The following NKAIN3 variants were observed in gnomAD, a reference collection of about 807,000 sequenced individuals.
NKAIN3 encodes sodium/potassium-transporting ATPase subunit beta-1-interacting protein 3.
Under a neutral mutation model 30.2 loss-of-function variants are expected in NKAIN3, and 25 were observed. The observed-to-expected ratio is 0.83, with a 90% confidence interval of 0.60 to 1.16. NKAIN3 has a LOEUF of 1.16. Among genes scored for constraint, NKAIN3 ranks in the 50% most tolerant of loss-of-function variants. NKAIN3 has a pLI of 0.00. For synonymous variants in NKAIN3, 91 were observed against 89.6 expected (o/e 1.02, Z -0.09); for missense variants, 225 against 254.1 (o/e 0.89, Z 0.78).
chr8:62,681,163 G>A (rs536674905), intron 3 of NKAIN3, among the ~76,000 whole-genome samples: 1 of 152,248 alleles, frequency 6.6e-6, no homozygotes, highest in East Asian at 1.9e-4. Flanking sequence ...TCAATAATCT[G>A]TACTTGCTCT....
chr8:62,656,831 G>T (rs1257164407), intron 3 of NKAIN3, among the ~76,000 whole-genome samples: 1 of 152,032 alleles, frequency 6.6e-6, no homozygotes, highest in Non-Finnish European at 1.5e-5. Flanking sequence ...GTGTCCTGAG[G>T]TTACCTCTAG....
intron 5 of NKAIN3, among the ~76,000 whole-genome samples, chr8:62,935,284 C>T (rs953218209): frequency 6.6e-6 from 1 of 152,022 alleles, no homozygotes; most frequent in African/African-American, 2.4e-5. Flanking sequence ...TTAGACAGAG[C>T]CTTTGAAATT....
At chr8:62,542,851 G>A (rs10089364) in intron 1 of NKAIN3, among the ~76,000 whole-genome samples, 1 of 152,100 alleles carries the variant, frequency 6.6e-6, no homozygotes, top group Non-Finnish European at 1.5e-5. Context: ...TTTCCCACAT[G>A]CATATATATC....
chr8:62,427,010 C>T (rs571828336), intron 1 of NKAIN3, among the ~76,000 whole-genome samples: 1 of 152,074 alleles, frequency 6.6e-6, no homozygotes, highest in African/African-American at 2.4e-5. Context: ...TAAGGTGATA[C>T]CCATAGAGCA....
chr8:62,845,285 T>TTATATCTATATA (rs1819646995), intron 4 of NKAIN3, among the ~76,000 whole-genome samples: 1 of 68,928 alleles, frequency 1.5e-5, no homozygotes, highest in Non-Finnish European at 3.0e-5. Context: ...GGATAGTAGA[T>TTATATCTATATA]TATATATATA....
intron 1 of NKAIN3, among the ~76,000 whole-genome samples, chr8:62,490,805 C>T (rs1047819186): frequency 7.3e-5 from 11 of 150,576 alleles, no homozygotes; most frequent in South Asian, 2.1e-4. Flanking sequence ...ATAAAACAGA[C>T]GTAGAATCAT....
chr8:62,816,818 A>G (rs1175872876), intron 4 of NKAIN3, among the ~76,000 whole-genome samples: 2 of 152,078 alleles, frequency 1.3e-5, no homozygotes, highest in Non-Finnish European at 2.9e-5. Flanking sequence ...TCAAAATGGC[A>G]CCATGCTGTA....
rs141345262 is a variant in NKAIN3, at chr8:62,285,877, A to C, written c.54+36750A>C. ...ACTTGAATATTGGTGGAAAAAAGGA[A>C]ATGCTGAATTGGATGCAGCTATTCT... On this transcript the variant is annotated intron_variant, in intron 1 of 6. Transcript: ENST00000623646. Among the ~76,000 whole-genome samples the C allele has an allele frequency of 6.6e-3, 1,009 of 152,276 alleles. 7 individuals carry two copies. The highest frequency in any genetic ancestry group is 0.023 in the African/African-American group (956 of 41,570).
rs189456251 is a variant in NKAIN3 at position 62,535,276 on chromosome 8, A to C, written c.55-44263A>C. ...TCTCTGTGTTTTCTATTCTCACACT[A>C]AAGCAATCATCAATACAGAAGAAGA... On this transcript the variant is annotated intron_variant, in intron 1 of 6. Coordinates refer to ENST00000623646, the MANE Select transcript of NKAIN3 (RefSeq NM_001304533.3). Among the ~76,000 whole-genome samples, 13 of 152,234 alleles carry C rather than the reference A, an allele frequency of 8.5e-5. No homozygotes were observed. In the East Asian group the frequency reaches 2.5e-3, roughly 29 times the overall value.
intron 1 of NKAIN3, among the ~76,000 whole-genome samples, chr8:62,560,544 T>C (rs1809536652): frequency 7.5e-6 from 1 of 133,474 alleles, no homozygotes; most frequent in Non-Finnish European, 1.6e-5. Context: ...TTTTTTTTTT[T>C]TTTTTTTTTT....
chr8:62,444,973 G>C (rs1805436283), intron 1 of NKAIN3, among the ~76,000 whole-genome samples: 1 of 151,808 alleles, frequency 6.6e-6, no homozygotes, highest in Admixed American at 6.6e-5. Context: ...TTTTGACAGA[G>C]TCTCGCTCTG....
intron 4 of NKAIN3, among the ~76,000 whole-genome samples, chr8:62,898,592 T>TA (rs1405825858): frequency 1.3e-5 from 2 of 151,990 alleles, no homozygotes; most frequent in African/African-American, 2.4e-5. Flanking sequence ...AGGTGATTTT[T>TA]AAAAAACTAC....
Position 62,881,637 on chromosome 8 carries a change from G to A in NKAIN3, c.472-36816G>A, listed in dbSNP as rs115680057. ...TATACCACAGTTTATCCATTCACCT[G>A]ATGAAGGACATCTTGGTTGCTTCCA... On this transcript the variant is annotated intron_variant, in intron 4 of 6. Coordinates refer to ENST00000623646, the MANE Select transcript of NKAIN3 (RefSeq NM_001304533.3). 3.6e-3 allele frequency among the ~76,000 whole-genome samples: 548 copies of A among 152,304 alleles called. 3 individuals are homozygous for A. The highest frequency in any genetic ancestry group is 0.013 in the African/African-American group (528 of 41,568).
chr8:62,503,038 G>T (rs1410659458), intron 1 of NKAIN3, among the ~76,000 whole-genome samples: 1 of 152,208 alleles, frequency 6.6e-6, no homozygotes, highest in African/African-American at 2.4e-5. Flanking sequence ...GAGGTGAGTG[G>T]TGGGCTAGCA....
At chr8:62,357,361 G>A (rs1227688461) in intron 1 of NKAIN3, among the ~76,000 whole-genome samples, 1 of 149,318 alleles carries the variant, frequency 6.7e-6, no homozygotes, top group Admixed American at 6.6e-5. Context: ...TGAGGCTACA[G>A]AGAGATGGTG....
intron 1 of NKAIN3, among the ~76,000 whole-genome samples, chr8:62,535,091 C>A (rs1279007517): frequency 6.6e-6 from 1 of 152,110 alleles, no homozygotes; most frequent in Non-Finnish European, 1.5e-5. Flanking sequence ...TTCAGTTCAA[C>A]ACTAAGTGAT....
At chr8:62,681,810 A>C (rs535374565) in intron 3 of NKAIN3, among the ~76,000 whole-genome samples, 7 of 152,342 alleles carry the variant, frequency 4.6e-5, no homozygotes, top group Middle Eastern at 3.4e-3. Flanking sequence ...GTAATTATTT[A>C]AACTTATCTT....
intron 1 of NKAIN3, among the ~76,000 whole-genome samples, chr8:62,463,892 A>T (rs1403089450): frequency 2.6e-5 from 4 of 152,160 alleles, no homozygotes; most frequent in Admixed American, 6.6e-5. Context: ...ATACTGTAAT[A>T]AAGACTGTAG....
intron 3 of NKAIN3, among the ~76,000 whole-genome samples, chr8:62,731,584 C>T (rs1170325210): frequency 6.6e-6 from 1 of 152,090 alleles, no homozygotes; most frequent in South Asian, 2.1e-4. Context: ...CTGATGTCTC[C>T]GGGGGAACCC....
Sources: allele counts gnomAD v4.1 joint callset (sites outside exome capture counted in the v4.1 genomes callset), GRCh38; gene constraint gnomAD v4.1.1; transcripts MANE v1.5; gene names NCBI Gene and HGNC (gene_info 2026-07-23, HGNC 2026-07-21).